The following STAMBPL1 variants were observed in gnomAD, a reference collection of about 807,000 sequenced individuals.
STAMBPL1 encodes the protein AMSH-like protease.
STAMBPL1 carries 44 observed loss-of-function variants against 52.9 expected under a neutral mutation model. That is an observed-to-expected ratio of 0.83 (90% CI 0.65 to 1.07). The LOEUF (loss-of-function observed/expected upper bound fraction) is 1.07, where lower values mean the gene tolerates loss of function less well. Ranked by LOEUF, STAMBPL1 falls within the 50% of genes least tolerant of loss-of-function variation. The probability of loss-of-function intolerance (pLI) is 0.00; values close to 1 mark genes in which losing one functional copy is unlikely to be tolerated. For synonymous variants in STAMBPL1, 164 were observed against 177.3 expected (o/e 0.92, Z 0.60); for missense variants, 511 against 520.8 (o/e 0.98, Z 0.18).
chr10:88,904,580 G>A (rs1845025641), intron 2 of STAMBPL1, among the ~76,000 whole-genome samples: 2 of 152,136 alleles, frequency 1.3e-5, no homozygotes, highest in Admixed American at 1.3e-4. Context: ...AGTTGCAATG[G>A]AAACCATATG....
At chr10:88,886,584 T>C (rs183386070) in intron 1 of STAMBPL1, among the ~76,000 whole-genome samples, 275 of 152,294 alleles carry the variant, frequency 1.8e-3, no homozygotes, top group African/African-American at 6.1e-3. Flanking sequence ...TAAACCAGAT[T>C]CAGCAAAAGC....
chr10:88,897,047 G>A (rs1844828456), intron 1 of STAMBPL1, among the ~76,000 whole-genome samples: 1 of 152,180 alleles, frequency 6.6e-6, no homozygotes. Context: ...GGGGACTTCA[G>A]ACTTGGAAAC....
chr10:88,881,675 T>G lies in STAMBPL1; in HGVS notation c.-54+1037T>G, dbSNP rs571733379. ...GATAAATTATACCTGAATGTTTGAT[T>G]GTTCGTGTCAATTTTTTTGAGGGTA... On this transcript the variant is annotated intron_variant, in intron 1 of 10. Transcript: ENST00000371926. 7.2e-5 allele frequency among the ~76,000 whole-genome samples: 11 copies of G among 152,332 alleles called. No homozygotes were observed. The East Asian group carries it at 2.1e-3, about 29-fold the overall frequency.
chr10:88,911,205 A>G (rs1303660539), intron 5 of STAMBPL1, among the ~76,000 whole-genome samples, 194 bp downstream of exon 5: 5 of 152,208 alleles, frequency 3.3e-5, no homozygotes, highest in African/African-American at 1.2e-4. Context: ...TGGTATTTCT[A>G]TTTCCCTACA....
At chr10:88,915,351 G>T (rs1464934838) in intron 7 of STAMBPL1, among the ~76,000 whole-genome samples, 1 of 152,086 alleles carries the variant, frequency 6.6e-6, no homozygotes, top group African/African-American at 2.4e-5. Context: ...TTTAGCTTAG[G>T]AACCTCTGCT....
intron 7 of STAMBPL1, among the ~76,000 whole-genome samples, chr10:88,915,296 A>G (rs1845341064): frequency 6.6e-6 from 1 of 152,184 alleles, no homozygotes; most frequent in South Asian, 2.1e-4. Context: ...TGTTTTGAGT[A>G]CCAGTTTATA....
chr10:88,922,563 C>A, intron 10 of STAMBPL1, 127 bp downstream of exon 10: 1 of 755,078 alleles, frequency 1.3e-6, no homozygotes, highest in Non-Finnish European at 2.1e-6. Context: ...GGAGTTTTAT[C>A]TCAGAAAATT....
intron 1 of STAMBPL1, among the ~76,000 whole-genome samples, chr10:88,892,166 A>T (rs1460752830): frequency 6.6e-6 from 1 of 152,222 alleles, no homozygotes; most frequent in East Asian, 1.9e-4. Context: ...AAATAGGGAA[A>T]GTTCAGCTGA....
chr10:88,893,242 A>G (rs1423574950), intron 1 of STAMBPL1, among the ~76,000 whole-genome samples: 2 of 152,220 alleles, frequency 1.3e-5, no homozygotes, highest in African/African-American at 4.8e-5. Flanking sequence ...TAATTGAATC[A>G]TCACATTTAG....
intron 4 of STAMBPL1, among the ~76,000 whole-genome samples, chr10:88,909,878 G>A (rs1002667049): frequency 6.6e-6 from 1 of 152,184 alleles, no homozygotes; most frequent in Non-Finnish European, 1.5e-5. Context: ...TAGGATTACA[G>A]GTGTGAGCCA....
At chr10:88,902,545 T>C (rs1232415057) in intron 2 of STAMBPL1, among the ~76,000 whole-genome samples, 2 of 151,960 alleles carry the variant, frequency 1.3e-5, no homozygotes, top group African/African-American at 4.8e-5. Context: ...CTGGTTCTTG[T>C]ACTGAAATAG....
chr10:88,905,939 CT>C (rs1342837482), intron 3 of STAMBPL1, among the ~76,000 whole-genome samples: 1 of 152,142 alleles, frequency 6.6e-6, no homozygotes, highest in African/African-American at 2.4e-5. Context: ...ATGTTTCACT[CT>C]TCTTAAATAT....
chr10:88,915,814 C>T (rs562271422), intron 7 of STAMBPL1, among the ~76,000 whole-genome samples: 3 of 152,072 alleles, frequency 2.0e-5, no homozygotes, highest in Non-Finnish European at 1.5e-5. Flanking sequence ...AGAAGGGTTT[C>T]CCTGAGAAGT....
chr10:88,895,844 A>C (rs1364042962), intron 1 of STAMBPL1, among the ~76,000 whole-genome samples: 1 of 152,228 alleles, frequency 6.6e-6, no homozygotes, highest in Non-Finnish European at 1.5e-5. Flanking sequence ...TACACTATGC[A>C]AAATAATTAT....
chr10:88,897,163 C>A (rs1004847213), intron 1 of STAMBPL1, among the ~76,000 whole-genome samples: 1 of 152,140 alleles, frequency 6.6e-6, no homozygotes, highest in Non-Finnish European at 1.5e-5. Flanking sequence ...ATACTTACCC[C>A]CTCCCAGGCC....
Position 88,901,637 on chromosome 10 carries a change from C to T in STAMBPL1, c.-53-19C>T. 1 of 1,524,260 alleles carries T rather than the reference C, an allele frequency of 6.6e-7. No individual in the cohort carries two copies. Among genetic ancestry groups the T allele is most frequent in the Admixed American group, 1.9e-5 (1 of 51,680 alleles). 94.4% of individuals were successfully genotyped at this position (1,524,260 alleles called of 1,614,324 possible). Reference sequence around the variant, plus strand: ...GTCTCAAAAAATAACTTTAGTTCTGCTTCTTGTTTTTGAAACAGATGAAGT... The same window carrying T: ...GTCTCAAAAAATAACTTTAGTTCTGTTTCTTGTTTTTGAAACAGATGAAGT... On this transcript the variant is annotated intron_variant, in intron 1 of 10. Transcript: ENST00000371926.
At position 88,905,649 on chromosome 10, in the gene STAMBPL1, T is replaced by A; in HGVS notation, c.237T>A (p.Asn79Lys). 6.2e-7 allele frequency: 1 copy of A among 1,612,892 alleles called. No individual in the cohort carries two copies. The highest frequency in any genetic ancestry group is 8.5e-7 in the Non-Finnish European group (1 of 1,179,076). ...TGGAAAATGCCTTTGTTCTTTATAA[T>A]AAATTTATAACGTAAGTGTTTTAAA... Reference protein sequence around the residue: ...GNLENAFVLYNKFITLFVEKL... With the variant: ...GNLENAFVLYKKFITLFVEKL... Residue 79 changes from asparagine to lysine, a missense_variant, in exon 3 of 11, where the codon AAT becomes AAA. This residue lies in a region of STAMBPL1 where 358 missense variants were observed against 343.5 expected (regional missense o/e 1.04). Coordinates refer to ENST00000371926, the MANE Select transcript of STAMBPL1 (RefSeq NM_020799.4).
intron 5 of STAMBPL1, 82 bp from the exon 6 acceptor site, chr10:88,913,019 C>A: frequency 8.3e-7 from 1 of 1,202,102 alleles, no homozygotes; most frequent in Non-Finnish European, 1.2e-6. Context: ...TCTCTGTCTG[C>A]TTGAAGACTG....
chr10:88,889,041 A>G (rs1331820519), intron 1 of STAMBPL1, among the ~76,000 whole-genome samples: 2 of 152,232 alleles, frequency 1.3e-5, no homozygotes, highest in Non-Finnish European at 2.9e-5. Context: ...GCTATATTTT[A>G]TATGTTATTC....
Sources: gnomAD v4.1 joint callset for allele counts (sites outside exome capture counted in the v4.1 genomes callset) on GRCh38, gnomAD v4.1.1 for gene constraint, gnomAD v4.1.1 regional missense constraint, MANE v1.5 for transcripts, NCBI Gene and HGNC (gene_info 2026-07-23, HGNC 2026-07-21) for gene names.